Variants in BTBD1 observed in about 807,000 individuals in gnomAD.
BTBD1 encodes the protein BTB domain containing 1.
In BTBD1, 34 loss-of-function variants were observed where a neutral mutation model predicts 48.0. The observed-to-expected ratio is 0.71, with a 90% CI of 0.54 to 0.94. BTBD1 has a LOEUF of 0.94. BTBD1 is among the 40% of genes least tolerant of loss of function. The pLI is 0.00. For synonymous variants in BTBD1, 261 were observed against 242.1 expected (o/e 1.08, Z -0.72); for missense variants, 543 against 625.6 (o/e 0.87, Z 1.41).
At chr15:83,050,512 C>G (rs1056192950) in intron 2 of BTBD1, among the ~76,000 whole-genome samples, 7 of 151,192 alleles carry the variant, frequency 4.6e-5, no homozygotes, top group African/African-American at 1.7e-4. Flanking sequence ...TTAATGAACC[C>G]TTTATGTTAG....
At chr15:83,028,617 T>C (rs2032456737) in intron 5 of BTBD1, 1 of 152,154 alleles carries the variant, frequency 6.6e-6, no homozygotes, top group Admixed American at 6.5e-5. Flanking sequence ...AAAACTCACC[T>C]GTAAAAACCA....
chr15:83,045,848 C>T (rs540456084), intron 3 of BTBD1, among the ~76,000 whole-genome samples: 15 of 152,030 alleles, frequency 9.9e-5, no homozygotes, highest in African/African-American at 3.6e-4. Flanking sequence ...TAATAACTTC[C>T]GCAGAGATAA....
intron 5 of BTBD1, among the ~76,000 whole-genome samples, chr15:83,027,561 G>T (rs911296730): frequency 1.3e-5 from 2 of 152,160 alleles, no homozygotes; most frequent in African/African-American, 4.8e-5. Flanking sequence ...CACCTCTGTA[G>T]GAGAGCTGAA....
At chr15:83,062,325 G>A (rs1313302517) in intron 1 of BTBD1, among the ~76,000 whole-genome samples, 1 of 152,136 alleles carries the variant, frequency 6.6e-6, no homozygotes, top group African/African-American at 2.4e-5. Context: ...AAATGGAGAG[G>A]CAGGTAAAAT....
chr15:83,055,863 A>G (rs1567112310), intron 2 of BTBD1, among the ~76,000 whole-genome samples: 1 of 152,178 alleles, frequency 6.6e-6, no homozygotes, highest in African/African-American at 2.4e-5. Flanking sequence ...TAGTTATCTA[A>G]CCTTGAGTCA....
At chr15:83,022,994 A>AG (rs1426603626) in intron 5 of BTBD1, among the ~76,000 whole-genome samples, 1 of 152,190 alleles carries the variant, frequency 6.6e-6, no homozygotes, top group African/African-American at 2.4e-5. Flanking sequence ...TGCTTAAAAA[A>AG]AAACAGAAAA....
At chr15:83,030,078 AG>A in intron 5 of BTBD1, 57 bp downstream of exon 5, 1 of 1,452,192 alleles carries the variant, frequency 6.9e-7, no homozygotes, top group Non-Finnish European at 9.6e-7. Flanking sequence ...TATATAAAAA[AG>A]GCCAAATGGT....
chr15:83,040,711 A>AC (rs1444453079), intron 4 of BTBD1, among the ~76,000 whole-genome samples: 1 of 151,582 alleles, frequency 6.6e-6, no homozygotes, highest in African/African-American at 2.4e-5. Context: ...AAAAAAAAAA[A>AC]AAAAAAAAAA....
chr15:83,059,476 C>G (rs1168713826), intron 1 of BTBD1, among the ~76,000 whole-genome samples: 1 of 152,190 alleles, frequency 6.6e-6, no homozygotes, highest in Non-Finnish European at 1.5e-5. Context: ...ACCCGGGCAG[C>G]AGGGGTTGCA....
intron 5 of BTBD1, among the ~76,000 whole-genome samples, chr15:83,027,747 T>C (rs1335207815): frequency 6.6e-6 from 1 of 152,222 alleles, no homozygotes. Flanking sequence ...GGACCAACTA[T>C]ATATACTCTT....
intron 4 of BTBD1, among the ~76,000 whole-genome samples, chr15:83,041,168 G>GAAAAAAAAA (rs542048466): frequency 1.5e-4 from 16 of 104,848 alleles, no homozygotes; most frequent in Admixed American, 1.9e-4. Flanking sequence ...AGAAAAAAAA[G>GAAAAAAAAA]AAAAAAAAAA....
At chr15:83,061,313 G>A (rs2033172833) in intron 1 of BTBD1, among the ~76,000 whole-genome samples, 1 of 152,178 alleles carries the variant, frequency 6.6e-6, no homozygotes, top group African/African-American at 2.4e-5. Flanking sequence ...CTTATTTGCA[G>A]TCCACTGTTC....
At chr15:83,056,597 G>A in intron 1 of BTBD1, 52 bp from the exon 2 acceptor site, 1 of 1,467,684 alleles carries the variant, frequency 6.8e-7, no homozygotes, top group East Asian at 2.3e-5. Context: ...TTTTAGATAA[G>A]CAATCCATCA....
chr15:83,028,711 T>C (rs1436537783), intron 5 of BTBD1: 1 of 152,216 alleles, frequency 6.6e-6, no homozygotes, highest in Non-Finnish European at 1.5e-5. Flanking sequence ...TCAGTCAATT[T>C]TGATAATTTA....
intron 5 of BTBD1, 58 bp from the exon 6 acceptor site, chr15:83,020,820 G>T: frequency 8.8e-7 from 1 of 1,132,500 alleles, no homozygotes; most frequent in South Asian, 1.4e-5. Flanking sequence ...ATATTCTGAA[G>T]GGTTATAATT....
chr15:83,025,617 T>G (rs2032389879), intron 5 of BTBD1, among the ~76,000 whole-genome samples: 1 of 152,100 alleles, frequency 6.6e-6, no homozygotes, highest in Non-Finnish European at 1.5e-5. Flanking sequence ...ACAGTAATAT[T>G]CAACATATAT....
At chr15:83,059,026 GCTTT>G (rs2033134997) in intron 1 of BTBD1, among the ~76,000 whole-genome samples, 1 of 152,110 alleles carries the variant, frequency 6.6e-6, no homozygotes, top group Non-Finnish European at 1.5e-5. Context: ...ATATACTTTT[GCTTT>G]CTATCAAGGA....
chr15:83,065,983 GAAAAAC>G (rs1283582441), intron 1 of BTBD1, among the ~76,000 whole-genome samples: 5 of 152,088 alleles, frequency 3.3e-5, no homozygotes, highest in Admixed American at 1.3e-4. Flanking sequence ...ATACGTTAAT[GAAAAAC>G]AAAAACAAAA....
At chr15:83,035,213 G>C (rs898473016) in intron 4 of BTBD1, among the ~76,000 whole-genome samples, 1 of 152,090 alleles carries the variant, frequency 6.6e-6, no homozygotes, top group African/African-American at 2.4e-5. Context: ...AGAATCGTTG[G>C]ACCCCAGGAG....
Sources: gnomAD v4.1 joint callset for allele counts (sites outside exome capture counted in the v4.1 genomes callset) on GRCh38, gnomAD v4.1.1 for gene constraint, MANE v1.5 for transcripts, NCBI Gene and HGNC (gene_info 2026-07-23, HGNC 2026-07-21) for gene names.